ROBO2: variants seen among roughly 807,000 people sequenced by gnomAD.
The protein encoded by ROBO2 is roundabout guidance receptor 2, also known as roundabout homolog 2.
ROBO2 carries 53 observed loss-of-function variants against 160.8 expected under a neutral mutation model. The ratio of observed to expected loss-of-function variants is 0.33; its 90% confidence interval spans 0.26 to 0.41. The LOEUF (loss-of-function observed/expected upper bound fraction) is 0.41. Among genes scored for constraint, ROBO2 ranks in the 10% least tolerant of loss-of-function variants. ROBO2 has a pLI of 1.00. For synonymous variants in ROBO2, 664 were observed against 611.7 expected (o/e 1.09, Z -1.26); for missense variants, 1,577 against 1,722.4 (o/e 0.92, Z 1.49).
At chr3:76,707,830 G>C (rs2093203019) in intron 2 of ROBO2, among the ~76,000 whole-genome samples, 1 of 151,384 alleles carries the variant, frequency 6.6e-6, no homozygotes. Flanking sequence ...TCCAATCTGA[G>C]TCAGAGTGAT....
At chr3:77,262,914 G>A (rs2058869304) in intron 2 of ROBO2, among the ~76,000 whole-genome samples, 1 of 152,096 alleles carries the variant, frequency 6.6e-6, no homozygotes, top group South Asian at 2.1e-4. Flanking sequence ...AACCTTTATT[G>A]AGTTTTGCTA....
rs543586701 is a variant in ROBO2, at chr3:76,088,758, A to G, written c.109+151156A>G. ...ATTTACAGCATCGAATGAATGTGTT[A>G]GAAAAGAAGAAAGAACAAACAACAA... On this transcript the variant is annotated intron_variant, in intron 2 of 26. Transcript: ENST00000487694. Among the ~76,000 whole-genome samples, 4 of 152,244 alleles carry G rather than the reference A, an allele frequency of 2.6e-5. No homozygotes were observed. The East Asian group carries it at 7.7e-4, about 29-fold the overall frequency.
chr3:76,730,989 C>CA (rs1491119752), intron 2 of ROBO2, among the ~76,000 whole-genome samples: 2 of 94,066 alleles, frequency 2.1e-5, no homozygotes, highest in East Asian at 3.2e-4. Context: ...CCCGCTTGTC[C>CA]TCACCTCCTA....
intron 2 of ROBO2, among the ~76,000 whole-genome samples, chr3:76,112,088 G>A (rs529339439): frequency 8.5e-5 from 13 of 152,102 alleles, no homozygotes; most frequent in South Asian, 2.1e-4. Flanking sequence ...CTATCCAACC[G>A]TAACTGAATT....
chr3:76,916,798 A>T (rs985425453), intron 2 of ROBO2, among the ~76,000 whole-genome samples: 1 of 152,158 alleles, frequency 6.6e-6, no homozygotes, highest in Non-Finnish European at 1.5e-5. Context: ...GAAATTACTT[A>T]AGTTCAAAAA....
At chr3:76,665,048 AT>A (rs1178537842) in intron 2 of ROBO2, among the ~76,000 whole-genome samples, 1 of 152,120 alleles carries the variant, frequency 6.6e-6, no homozygotes, top group African/African-American at 2.4e-5. Context: ...TGATAGCACC[AT>A]TTTTTTCCAA....
At chr3:76,185,267 C>T (rs534134362) in intron 2 of ROBO2, among the ~76,000 whole-genome samples, 1 of 122,510 alleles carries the variant, frequency 8.2e-6, no homozygotes, top group South Asian at 2.7e-4. Flanking sequence ...GATATACTGT[C>T]AACAATAGCT....
chr3:76,431,245 AT>A (rs63528362), intron 2 of ROBO2, among the ~76,000 whole-genome samples: 8,049 of 152,190 alleles, frequency 0.053, 538 homozygotes, highest in African/African-American at 0.16. Context: ...AGCAAAAAAA[AT>A]CAAAGTTAAT....
chr3:75,932,942 C>G (rs1018837207), intron 1 of ROBO2, among the ~76,000 whole-genome samples: 8 of 152,008 alleles, frequency 5.3e-5, no homozygotes, highest in African/African-American at 1.9e-4. Context: ...TGTGTTATAT[C>G]TATATATACA....
chr3:76,000,968 C>T (rs539727227), intron 2 of ROBO2, among the ~76,000 whole-genome samples: 3 of 152,250 alleles, frequency 2.0e-5, no homozygotes, highest in East Asian at 1.9e-4. Context: ...ATTTTCACAT[C>T]TTTAAGAAAA....
At chr3:76,647,293 A>C (rs1163310395) in intron 2 of ROBO2, among the ~76,000 whole-genome samples, 1 of 152,202 alleles carries the variant, frequency 6.6e-6, no homozygotes, top group East Asian at 1.9e-4. Flanking sequence ...TCCGTGGTTC[A>C]AATGAAGAAG....
At chr3:76,821,772 A>T (rs1474687569) in intron 2 of ROBO2, among the ~76,000 whole-genome samples, 2 of 152,014 alleles carry the variant, frequency 1.3e-5, no homozygotes, top group African/African-American at 4.8e-5. Context: ...GGCAATAGAC[A>T]TGTTCTGCTG....
At chr3:76,859,805 A>T (rs1298510562) in intron 2 of ROBO2, among the ~76,000 whole-genome samples, 1 of 152,090 alleles carries the variant, frequency 6.6e-6, no homozygotes. Context: ...TAGCAGAGTC[A>T]TGTTCCTCTA....
intron 2 of ROBO2, among the ~76,000 whole-genome samples, chr3:76,427,539 G>C (rs1004540774): frequency 2.0e-5 from 3 of 152,222 alleles, no homozygotes; most frequent in African/African-American, 7.2e-5. Context: ...ATTATTTCAT[G>C]GGGGTTTGAA....
chr3:76,123,046 C>T (rs556266485), intron 2 of ROBO2, among the ~76,000 whole-genome samples: 5 of 152,184 alleles, frequency 3.3e-5, no homozygotes, highest in Middle Eastern at 3.4e-3. Context: ...CGTGCCCGAC[C>T]TGTTTTCATA....
chr3:76,851,899 T>C (rs1003840607), intron 2 of ROBO2, among the ~76,000 whole-genome samples: 8 of 152,122 alleles, frequency 5.3e-5, no homozygotes, highest in African/African-American at 1.9e-4. Context: ...AATTGGCTGC[T>C]GCAGGCATTA....
intron 2 of ROBO2, among the ~76,000 whole-genome samples, chr3:77,274,037 A>T (rs62249723): frequency 0.014 from 2,157 of 152,132 alleles, 23 homozygotes; most frequent in Middle Eastern, 0.031. Context: ...TAATGAAGTT[A>T]TTAATAAAAT....
At chr3:76,553,580 T>G (rs1481215197) in intron 2 of ROBO2, among the ~76,000 whole-genome samples, 3 of 152,208 alleles carry the variant, frequency 2.0e-5, no homozygotes, top group Non-Finnish European at 2.9e-5. Context: ...ATTACACTTA[T>G]GTGAAATGAA....
At chr3:77,649,157 AG>A (rs2095432488) in exon 26 of ROBO2, 1 of 152,220 alleles carries the variant, frequency 6.6e-6, no homozygotes, top group Non-Finnish European at 1.5e-5. Flanking sequence ...ATCCAGTTCA[AG>A]GGAGAATGTA....
Sources: gnomAD v4.1 joint callset for allele counts (sites outside exome capture counted in the v4.1 genomes callset) on GRCh38, gnomAD v4.1.1 for gene constraint, MANE v1.5 for transcripts, NCBI Gene and HGNC (gene_info 2026-07-23, HGNC 2026-07-21) for gene names.